Variants in ZNF738 observed in about 807,000 individuals in gnomAD.
The protein encoded by ZNF738 is zinc finger protein 738.
ZNF738 carries 10 observed loss-of-function variants against 9.2 expected under a neutral mutation model. The observed-to-expected ratio is 1.09, with a 90% CI of 0.67 to 1.85. The LOEUF is 1.85. Among genes scored for constraint, ZNF738 ranks in the 40% most tolerant of loss-of-function variants. The pLI, the probability that ZNF738 is intolerant of heterozygous loss-of-function variation, is 0.00. For synonymous variants in ZNF738, 113 were observed against 94.5 expected (o/e 1.20, Z -1.14); for missense variants, 346 against 283.6 (o/e 1.22, Z -1.58).
Position 21,388,087 on chromosome 19 carries a change from A to AAG in ZNF738, c.*4414_*4415dup, listed in dbSNP as rs1342404303. ...AAGGAACTGACACTGCAGATATACTAAGTCAAGAGTTCTGAGTATAGAAAA... is the reference window on the plus strand; with the variant it reads ...AAGGAACTGACACTGCAGATATACTAAGAGTCAAGAGTTCTGAGTATAGAAAA... On this transcript the variant is annotated 3_prime_UTR_variant, in exon 5 of 5. Coordinates refer to ENST00000683779, the MANE Select transcript of ZNF738 (RefSeq NM_001355237.2). 1.3e-5 allele frequency among the ~76,000 whole-genome samples: 2 copies of AAG among 152,188 alleles called. No homozygotes were observed. The highest frequency in any genetic ancestry group is 2.9e-5 in the Non-Finnish European group (2 of 68,014).
chr19:21,364,048 T>A (rs749903227), intron 2 of ZNF738, among the ~76,000 whole-genome samples: 3 of 150,850 alleles, frequency 2.0e-5, no homozygotes, highest in Non-Finnish European at 4.4e-5. Context: ...AATACAAAAA[T>A]AATCCAGGCG....
At chr19:21,378,725 G>T in intron 4 of ZNF738, 1 of 331,064 alleles carries the variant, frequency 3.0e-6, no homozygotes. Flanking sequence ...TCAGCCTCCC[G>T]AGTAGCTGGG....
intron 2 of ZNF738, among the ~76,000 whole-genome samples, chr19:21,362,740 A>G (rs532026620): frequency 2.6e-5 from 4 of 152,326 alleles, no homozygotes; most frequent in Non-Finnish European, 5.9e-5. Flanking sequence ...AAAAATTTTC[A>G]CTTACCTTTT....
intron 2 of ZNF738, among the ~76,000 whole-genome samples, chr19:21,371,205 T>G (rs1444301296): frequency 1.3e-5 from 2 of 152,162 alleles, no homozygotes; most frequent in Non-Finnish European, 2.9e-5. Flanking sequence ...GTGACCCAGG[T>G]TCTGGGGCTC....
At chr19:21,365,258 G>A (rs1973760465) in intron 2 of ZNF738, among the ~76,000 whole-genome samples, 1 of 152,038 alleles carries the variant, frequency 6.6e-6, no homozygotes, top group South Asian at 2.1e-4. Context: ...ACTGCAAGCT[G>A]TTTTGCCAGC....
At chr19:21,368,388 T>A (rs933424309) in intron 2 of ZNF738, among the ~76,000 whole-genome samples, 6 of 152,210 alleles carry the variant, frequency 3.9e-5, no homozygotes, top group African/African-American at 1.4e-4. Flanking sequence ...GGTCTCCAGC[T>A]CCATCCATAT....
intron 2 of ZNF738, chr19:21,371,820 C>T (rs1973860226): frequency 6.6e-6 from 1 of 152,094 alleles, no homozygotes; most frequent in Non-Finnish European, 1.5e-5. Flanking sequence ...TATTTATCTT[C>T]TAATAAAATT....
At chr19:21,366,542 T>A (rs903513252) in intron 2 of ZNF738, among the ~76,000 whole-genome samples, 5 of 152,054 alleles carry the variant, frequency 3.3e-5, no homozygotes, top group African/African-American at 1.2e-4. Flanking sequence ...TAGAAAGAAG[T>A]CTTGATCCAT....
intron 4 of ZNF738, chr19:21,377,519 C>T: frequency 1.7e-6 from 1 of 573,074 alleles, no homozygotes; most frequent in Non-Finnish European, 3.1e-6. Context: ...CGTGCACACA[C>T]ACACACACAC....
In ZNF738 at chr19:21,361,888, T is replaced by G. The variant is rs750055777; in HGVS notation, c.96+30T>G. 49 of 759,904 alleles carry G rather than the reference T, an allele frequency of 6.4e-5. No individual in the cohort carries two copies. In the Middle Eastern group the frequency reaches 7.0e-4, roughly 11 times the overall value. The allele number at this position is 759,904 out of a possible 1,614,324, so 47.1% of individuals were successfully genotyped here. The stretch of plus-strand genomic sequence containing the variant: ...CCCCTTGATATGTTAAAATTGTCTT[T>G]GGGACCAGCTTGAAAAACATGCTCT... On this transcript the variant is annotated intron_variant, in intron 2 of 4. Coordinates refer to ENST00000683779, the MANE Select transcript of ZNF738 (RefSeq NM_001355237.2).
intron 1 of ZNF738, among the ~76,000 whole-genome samples, chr19:21,359,780 G>A (rs1190945808): frequency 2.0e-5 from 3 of 152,172 alleles, no homozygotes; most frequent in Non-Finnish European, 2.9e-5. Context: ...AGGAGGCTGA[G>A]GCAGGAGAAT....
chr19:21,381,525 A>T, intron 4 of ZNF738: 1 of 810,852 alleles, frequency 1.2e-6, no homozygotes, highest in South Asian at 1.5e-5. Flanking sequence ...ATGGAGTCTC[A>T]TTCTGTCACC....
At chr19:21,368,619 T>G (rs745486072) in intron 2 of ZNF738, among the ~76,000 whole-genome samples, 1 of 150,152 alleles carries the variant, frequency 6.7e-6, no homozygotes, top group Non-Finnish European at 1.5e-5. Flanking sequence ...CACCAAGCCC[T>G]GCTAATTTTT....
In ZNF738 at chr19:21,382,920, C is replaced by T. The variant is rs1396797790; in HGVS notation, c.374C>T (p.Ser125Phe). 1.8e-6 allele frequency: 1 copy of T among 555,090 alleles called. No individual in the cohort carries two copies. The highest frequency in any genetic ancestry group is 3.4e-6 in the Non-Finnish European group (1 of 293,400). The allele number at this position is 555,090 out of a possible 1,614,324, so 34.4% of individuals were successfully genotyped here. ...DLWPQPGIKD[S>F]FQKVILREYG... is the part of the protein sequence containing the mutation. ...TGGCCACAGCCGGGCATAAAAGATTCTTTCCAAAAAGTGATACTGAGAGAA... is the reference window on the plus strand; with the variant it reads ...TGGCCACAGCCGGGCATAAAAGATTTTTTCCAAAAAGTGATACTGAGAGAA... The change falls in exon 5 of 5, where the codon TCT becomes TTT. Residue 125 changes from serine (S) to phenylalanine (F), a missense_variant. Coordinates refer to ENST00000683779, the MANE Select transcript of ZNF738 (RefSeq NM_001355237.2).
intron 1 of ZNF738, among the ~76,000 whole-genome samples, chr19:21,360,868 T>C (rs1973679276): frequency 6.6e-6 from 1 of 152,086 alleles, no homozygotes; most frequent in East Asian, 1.9e-4. Context: ...TCACTCTTGT[T>C]GCAAAGGCAC....
chr19:21,381,951 G>T, intron 4 of ZNF738: 1 of 222,678 alleles, frequency 4.5e-6, no homozygotes, highest in South Asian at 1.5e-4. Context: ...CAGTGCCTCA[G>T]GCCAGAGCTC....
intron 4 of ZNF738, chr19:21,378,606 CTT>C (rs11352402): frequency 0.02 from 5,185 of 260,152 alleles, no homozygotes; most frequent in South Asian, 0.031. Flanking sequence ...AATAATATCA[CTT>C]TTTTTTTTTT....
chr19:21,383,349 G>T lies in ZNF738; in HGVS notation c.803G>T (p.Gly268Val). 2 of 1,229,392 alleles carry T rather than the reference G, an allele frequency of 1.6e-6. No individual in the cohort carries two copies. The highest frequency in any genetic ancestry group is 2.3e-6 in the Non-Finnish European group (2 of 854,362). The allele number at this position is 1,229,392 out of a possible 1,614,324, so 76.2% of individuals were successfully genotyped here. The change falls in exon 5 of 5, where the codon GGT becomes GTT. Residue 268 changes from glycine to valine, a missense_variant. Transcript: ENST00000683779. Reference protein sequence around the residue: ...KSYKHEECGKGFNHSTTLTRH... With the variant: ...KSYKHEECGKVFNHSTTLTRH... ...TACAAACATGAAGAATGTGGAAAAG[G>T]TTTTAACCACTCCACAACTCTTACT... is the stretch of plus-strand genomic sequence containing the variant.
intron 2 of ZNF738, among the ~76,000 whole-genome samples, chr19:21,363,625 A>C (rs757014879): frequency 2.6e-5 from 4 of 152,204 alleles, no homozygotes; most frequent in Non-Finnish European, 5.9e-5. Flanking sequence ...ACGGTGGTTC[A>C]TGCCTGTAAT....
Sources: allele counts gnomAD v4.1 joint callset (sites outside exome capture counted in the v4.1 genomes callset), GRCh38; gene constraint gnomAD v4.1.1; transcripts MANE v1.5; gene names NCBI Gene and HGNC (gene_info 2026-07-23, HGNC 2026-07-21).